The following FREM2 variants were observed in gnomAD, a reference collection of about 807,000 sequenced individuals.
The protein encoded by FREM2 is FRAS1-related extracellular matrix protein 2.
FREM2 carries 119 observed loss-of-function variants against 219.9 expected under a neutral mutation model. The ratio of observed to expected loss-of-function variants is 0.54; its 90% CI spans 0.47 to 0.63. The LOEUF (loss-of-function observed/expected upper bound fraction) is 0.63, where lower values mean the gene tolerates loss of function less well. FREM2 is among the 30% of genes least tolerant of loss of function. The probability of loss-of-function intolerance (pLI) is 0.00; values close to 1 mark genes in which losing one functional copy is unlikely to be tolerated. For missense variants in FREM2, 4,030 were observed against 3,993.6 expected, an observed-to-expected ratio of 1.01 and a Z score of -0.25; for synonymous variants, 1,562 against 1,522.8, an observed-to-expected ratio of 1.03 and a Z score of -0.60.
In FREM2 at chr13:38,764,362, A is replaced by G. The variant is rs775089258; in HGVS notation, c.5322A>G (p.Glu1774=). ...TGAATTGGGCATGGATCTCCTTTGA[A>G]AAGGAATATTACCTGGTCAATGAGG... ...FRLNWAWISF[E]KEYYLVNEDS... Residue 1774 remains glutamate (E), a synonymous_variant, in exon 3 of 24, where the codon GAA becomes GAG. Transcript: ENST00000280481. 6.2e-7 allele frequency: 1 copy of G among 1,608,112 alleles called. No homozygotes were observed. Among genetic ancestry groups the G allele is most frequent in the Admixed American group, 1.7e-5 (1 of 60,006 alleles).
At chr13:38,878,493 C>T (rs1469582300) in intron 22 of FREM2, among the ~76,000 whole-genome samples, 172 bp downstream of exon 22, 2 of 150,132 alleles carry the variant, frequency 1.3e-5, no homozygotes, top group African/African-American at 4.9e-5. Flanking sequence ...GCCTGGGCAA[C>T]ATAGTGAGAC....
intron 2 of FREM2, among the ~76,000 whole-genome samples, chr13:38,739,821 T>G (rs1370515560): frequency 6.6e-6 from 1 of 152,230 alleles, no homozygotes; most frequent in Non-Finnish European, 1.5e-5. Context: ...TTTGTTTTAC[T>G]GATAATGATA....
In FREM2 at chr13:38,864,397, CATT is replaced by C; in HGVS notation, c.7777_7779del (p.Tyr2593del). On this transcript the variant is annotated inframe_deletion, in exon 16 of 24. Coordinates refer to ENST00000280481, the MANE Select transcript of FREM2 (RefSeq NM_207361.6). ...CCTGGATTATACTGAAGTGAAGACT[CATT>C]ATGGTTTCTTGACTGATGCTACCAA... 1 of 1,614,114 alleles carries C rather than the reference CATT, an allele frequency of 6.2e-7. No individual in the cohort carries two copies. The highest frequency in any genetic ancestry group is 8.5e-7 in the Non-Finnish European group (1 of 1,179,964).
Position 38,784,739 on chromosome 13 carries a change from C to T in FREM2, c.5950C>T (p.Pro1984Ser). The T allele has an allele frequency of 1.2e-6, 2 of 1,614,038 alleles. No individual in the cohort carries two copies. Among genetic ancestry groups the T allele is most frequent in the African/African-American group, 1.3e-5 (1 of 75,048 alleles). Reference sequence around the variant, plus strand: ...AACCTTCCATGTCCTTCTGAGCATGCCCATGGGGGGAAGAATCGGATCAGA... The same window carrying T: ...AACCTTCCATGTCCTTCTGAGCATGTCCATGGGGGGAAGAATCGGATCAGA... ...EETFHVLLSM[P>S]MGGRIGSEFP... The change falls in exon 6 of 24, where the codon CCC becomes TCC. Residue 1984 changes from proline to serine, a missense_variant. Pro to Ser is a moderately conservative substitution (Grantham distance 74). This residue lies in a region of FREM2 where 3,102 missense variants were observed against 2,950.7 expected (regional missense o/e 1.05). Transcript: ENST00000280481.
intron 6 of FREM2, among the ~76,000 whole-genome samples, chr13:38,835,467 T>C (rs1593436303): frequency 6.6e-6 from 1 of 152,252 alleles, no homozygotes; most frequent in Non-Finnish European, 1.5e-5. Context: ...AAGTAGTTTT[T>C]TCTAATTCTG....
chr13:38,840,252 A>C (rs1388205835), intron 6 of FREM2, among the ~76,000 whole-genome samples: 2 of 151,464 alleles, frequency 1.3e-5, no homozygotes, highest in Middle Eastern at 3.2e-3. Flanking sequence ...GCAACGCCCC[A>C]CCCTGCTTCT....
intron 4 of FREM2, 125 bp from the exon 5 acceptor site, chr13:38,782,945 A>G (rs1243979171): frequency 3.5e-6 from 4 of 1,155,452 alleles, no homozygotes; most frequent in East Asian, 2.4e-5. Context: ...TCCTCCCACT[A>G]TGTTATTCTA....
At chr13:38,878,805 A>G in intron 22 of FREM2, 26 bp from the exon 23 acceptor site, 2 of 1,613,340 alleles carry the variant, frequency 1.2e-6, no homozygotes, top group Non-Finnish European at 1.7e-6. Flanking sequence ...ATCTACAGCA[A>G]TCACCACTTT....
At chr13:38,841,525 A>G (rs923445436) in intron 6 of FREM2, among the ~76,000 whole-genome samples, 2 of 151,968 alleles carry the variant, frequency 1.3e-5, no homozygotes, top group African/African-American at 2.4e-5. Flanking sequence ...TATACTTCCT[A>G]TTTGGGAACC....
intron 2 of FREM2, among the ~76,000 whole-genome samples, chr13:38,749,269 C>G (rs2122209): frequency 0.57 from 87,015 of 151,992 alleles, 28,594 homozygotes; most frequent in Non-Finnish European, 0.75. Context: ...TAAATGTTGA[C>G]AGTAGGAAAA....
intron 6 of FREM2, among the ~76,000 whole-genome samples, chr13:38,797,495 T>C (rs570839989): frequency 5.6e-4 from 85 of 152,274 alleles, no homozygotes; most frequent in African/African-American, 1.9e-3. Context: ...ACCATGTATA[T>C]TTTAAATTTT....
chr13:38,847,776 C>T (rs969552181), intron 7 of FREM2, among the ~76,000 whole-genome samples: 5 of 152,118 alleles, frequency 3.3e-5, no homozygotes, highest in Non-Finnish European at 7.4e-5. Context: ...TGTTGCCCAC[C>T]ACTGTCAATC....
rs1358684546 is a variant in FREM2 at position 38,864,338 on chromosome 13, G to T, written c.7715G>T (p.Gly2572Val). 2 of 1,614,132 alleles carry T rather than the reference G, an allele frequency of 1.2e-6. No individual in the cohort carries two copies. The highest frequency in any genetic ancestry group is 1.7e-5 in the Admixed American group (1 of 60,022). ...SNFELTLSPDGTRVGNHKCSN... is the reference protein window; with the variant it reads ...SNFELTLSPDVTRVGNHKCSN... The stretch of plus-strand genomic sequence containing the variant: ...TTTGAGCTCACCCTCAGCCCTGATG[G>T]CACAAGAGTTGGAAACCACAAGTGC... Residue 2572 changes from glycine (G) to valine (V), a missense_variant, in exon 16 of 24, where the codon GGC becomes GTC. Gly to Val is a moderately radical substitution (Grantham distance 109). Around this residue, in one of 2 missense-constraint regions of FREM2, gnomAD observed 928 missense variants for 1,042.9 expected, o/e 0.89. Transcript: ENST00000280481.
chr13:38,821,503 T>C (rs1876053152), intron 6 of FREM2, among the ~76,000 whole-genome samples: 1 of 152,176 alleles, frequency 6.6e-6, no homozygotes, highest in Non-Finnish European at 1.5e-5. Context: ...CTTAAAATGA[T>C]GGATGAAGCT....
At chr13:38,782,022 C>A (rs1874137310) in intron 4 of FREM2, among the ~76,000 whole-genome samples, 1 of 152,198 alleles carries the variant, frequency 6.6e-6, no homozygotes, top group South Asian at 2.1e-4. Flanking sequence ...CATTGGCCGA[C>A]CCAACCAGGA....
chr13:38,825,223 C>T (rs1053199838), intron 6 of FREM2, among the ~76,000 whole-genome samples: 7 of 152,142 alleles, frequency 4.6e-5, no homozygotes, highest in East Asian at 1.9e-4. Flanking sequence ...AAGAACTCTT[C>T]GAAAACAAGG....
intron 4 of FREM2, among the ~76,000 whole-genome samples, chr13:38,772,792 G>A (rs1000983946): frequency 6.6e-6 from 1 of 151,594 alleles, no homozygotes; most frequent in Non-Finnish European, 1.5e-5. Flanking sequence ...CGCCTCCTGG[G>A]TTCAAGCAAT....
rs1162251921 is a variant in FREM2, at chr13:38,884,249, C to A, written c.*3462C>A. On this transcript the variant is annotated 3_prime_UTR_variant, in exon 24 of 24. Transcript: ENST00000280481. ...AAAGCTTCTTTATCAAGTCATCTTA[C>A]CTCTAATTCTTTTCCAGTGTGCCAA... is the stretch of plus-strand genomic sequence containing the variant. 1 of 152,138 alleles carries A rather than the reference C, an allele frequency of 6.6e-6. No individual in the cohort carries two copies. Among genetic ancestry groups the A allele is most frequent in the Non-Finnish European group, 1.5e-5 (1 of 68,030 alleles). The allele number at this position is 152,138 out of a possible 1,614,324, so 9.4% of individuals were successfully genotyped here. A position where few individuals can be genotyped will look rare whatever the true frequency, so the allele number is the denominator to read the frequency against.
rs5802957 is a variant in FREM2 at position 38,825,434 on chromosome 13, T to TA, written c.6020-21130dup. On this transcript the variant is annotated intron_variant, in intron 6 of 23. Coordinates refer to ENST00000280481, the MANE Select transcript of FREM2 (RefSeq NM_207361.6). ...CCACAAAGAATAAAGCCTTATTTAT[T>TA]AAAAAAAAACCCACATGTAGTATAT... is the stretch of plus-strand genomic sequence containing the variant. 4.2e-3 allele frequency among the ~76,000 whole-genome samples: 639 copies of TA among 151,420 alleles called. 4 individuals carry two copies. Among genetic ancestry groups the TA allele is most frequent in the African/African-American group, 7.8e-3 (324 of 41,316 alleles).
Sources: gnomAD v4.1 joint callset for allele counts (sites outside exome capture counted in the v4.1 genomes callset) on GRCh38, gnomAD v4.1.1 for gene constraint, gnomAD v4.1.1 regional missense constraint, MANE v1.5 for transcripts, NCBI Gene and HGNC (gene_info 2026-07-23, HGNC 2026-07-21) for gene names.